DLG2: variants seen among roughly 807,000 people sequenced by gnomAD.
DLG2 encodes the protein discs large MAGUK scaffold protein 2, also known as disks large homolog 2.
A neutral mutation model predicts 132.5 loss-of-function variants in DLG2; 45 were observed. That is an observed-to-expected ratio of 0.34 (90% CI 0.27 to 0.44). DLG2 has a LOEUF of 0.44. Ranked by LOEUF, DLG2 falls within the 20% of genes least tolerant of loss-of-function variation. The probability of loss-of-function intolerance (pLI) is 1.00; values close to 1 mark genes in which losing one functional copy is unlikely to be tolerated. For missense variants in DLG2, 1,045 were observed against 1,196.9 expected, an observed-to-expected ratio of 0.87 and a Z score of 1.87; for synonymous variants, 424 against 419.6, an observed-to-expected ratio of 1.01 and a Z score of -0.13.
intron 6 of DLG2, among the ~76,000 whole-genome samples, chr11:84,944,103 T>C (rs2049869107): frequency 6.6e-6 from 1 of 152,208 alleles, no homozygotes; most frequent in South Asian, 2.1e-4. Flanking sequence ...CCAGATGTAT[T>C]GAAGCTCCTT....
intron 14 of DLG2, among the ~76,000 whole-genome samples, chr11:83,934,651 T>C (rs554085395): frequency 6.6e-6 from 1 of 152,360 alleles, no homozygotes; most frequent in South Asian, 2.1e-4. Context: ...TTACACTTTA[T>C]TGAGTTTTCT....
At chr11:83,789,609 A>T (rs1167132265) in intron 17 of DLG2, among the ~76,000 whole-genome samples, 2 of 150,822 alleles carry the variant, frequency 1.3e-5, no homozygotes, top group Non-Finnish European at 2.9e-5. Flanking sequence ...GTGCAGTGGC[A>T]TGATCTCAGC....
intron 6 of DLG2, among the ~76,000 whole-genome samples, chr11:85,037,122 A>G (rs895156885): frequency 1.3e-5 from 2 of 152,226 alleles, no homozygotes; most frequent in African/African-American, 2.4e-5. Flanking sequence ...GGTACAATCC[A>G]TCAACTCACC....
rs549989463 is a variant in DLG2, at chr11:84,378,168, T to A, written c.520-126877A>T. On this transcript the variant is annotated intron_variant, in intron 7 of 27. Transcript: ENST00000376104. ...AGAAAGTAATTAGGATTAAATGAGG[T>A]CATAAGGGTAGGGCTGTGATTTATT... Among the ~76,000 whole-genome samples, 8 of 152,058 alleles carry A rather than the reference T, an allele frequency of 5.3e-5. No homozygotes were observed. In the South Asian group the frequency reaches 6.2e-4, roughly 12 times the overall value.
chr11:84,221,361 G>A (rs2096914136), intron 8 of DLG2, among the ~76,000 whole-genome samples: 1 of 151,988 alleles, frequency 6.6e-6, no homozygotes, highest in Admixed American at 6.6e-5. Flanking sequence ...CTACTCAGGA[G>A]GCTGAGGCAG....
At chr11:84,166,227 G>A (rs1236050289) in intron 8 of DLG2, among the ~76,000 whole-genome samples, 2 of 152,152 alleles carry the variant, frequency 1.3e-5, no homozygotes, top group Non-Finnish European at 2.9e-5. Flanking sequence ...CCCAGGGCTG[G>A]GCGCAGTGGC....
chr11:83,478,832 A>T (rs1196838785), intron 22 of DLG2, among the ~76,000 whole-genome samples: 1 of 152,026 alleles, frequency 6.6e-6, no homozygotes, highest in African/African-American at 2.4e-5. Flanking sequence ...AAAATAAGTT[A>T]TATTTTTCTA....
intron 7 of DLG2, among the ~76,000 whole-genome samples, chr11:84,527,643 G>A (rs759287021): frequency 9.9e-5 from 15 of 152,116 alleles, no homozygotes; most frequent in Non-Finnish European, 2.2e-4. Flanking sequence ...ATAAAAGGAG[G>A]CTTTAATCTT....
intron 6 of DLG2, among the ~76,000 whole-genome samples, chr11:84,657,042 T>A (rs1275424858): frequency 6.6e-6 from 1 of 152,116 alleles, no homozygotes; most frequent in South Asian, 2.1e-4. Context: ...ATTTACCATA[T>A]GACAAAACTG....
In DLG2 at chr11:84,929,463, C is replaced by T. The variant is rs1026636567; in HGVS notation, c.357+182198G>A. On this transcript the variant is annotated intron_variant, in intron 6 of 27. Coordinates refer to ENST00000376104, the MANE Select transcript of DLG2 (RefSeq NM_001142699.3). ...GTATACTTCAATGGCAATACTCAGG[C>T]AAAATTCCATCAATGGCATAATTAA... Among the ~76,000 whole-genome samples the T allele has an allele frequency of 3.9e-5, 6 of 152,028 alleles. No individual in the cohort carries two copies. The East Asian group carries it at 9.6e-4, about 24-fold the overall frequency.
chr11:84,350,182 C>CA (rs1555518944), intron 7 of DLG2, among the ~76,000 whole-genome samples: 1 of 142,420 alleles, frequency 7.0e-6, no homozygotes, highest in African/African-American at 2.7e-5. Context: ...CGTCCCCCCC[C>CA]CCAAAAAAAA....
chr11:83,988,566 T>G (rs2093496200), intron 11 of DLG2, among the ~76,000 whole-genome samples: 2 of 152,310 alleles, frequency 1.3e-5, no homozygotes, highest in South Asian at 4.1e-4. Context: ...TTCCATTTGT[T>G]TGTGTGATCT....
intron 17 of DLG2, among the ~76,000 whole-genome samples, chr11:83,804,467 T>C (rs1190524249): frequency 6.6e-6 from 1 of 151,902 alleles, no homozygotes; most frequent in Non-Finnish European, 1.5e-5. Flanking sequence ...TTGAAGAACA[T>C]TATAATAAAA....
intron 14 of DLG2, among the ~76,000 whole-genome samples, chr11:83,957,012 G>A (rs1391905317): frequency 4.6e-5 from 7 of 152,062 alleles, no homozygotes; most frequent in East Asian, 3.9e-4. Context: ...TTTAAGACTC[G>A]GAAGAAAAAT....
chr11:83,797,682 C>T (rs979970240), intron 17 of DLG2, among the ~76,000 whole-genome samples: 9 of 151,916 alleles, frequency 5.9e-5, no homozygotes, highest in African/African-American at 2.2e-4. Flanking sequence ...CCATGCCCAG[C>T]TAATTTTATG....
At chr11:85,357,615 ATTATT>A (rs1412515400) in intron 3 of DLG2, among the ~76,000 whole-genome samples, 1 of 141,180 alleles carries the variant, frequency 7.1e-6, no homozygotes, top group East Asian at 2.1e-4. Flanking sequence ...GGCTAAATTT[ATTATT>A]CAGCCAAAGG....
chr11:83,865,454 A>T (rs2062146065), intron 16 of DLG2, among the ~76,000 whole-genome samples: 1 of 117,394 alleles, frequency 8.5e-6, no homozygotes, highest in African/African-American at 4.1e-5. Flanking sequence ...CATGGTGAAC[A>T]GCGAAAAAAA....
intron 18 of DLG2, among the ~76,000 whole-genome samples, chr11:83,703,484 T>C (rs572043696): frequency 4.6e-5 from 7 of 152,224 alleles, no homozygotes; most frequent in African/African-American, 1.7e-4. Context: ...ACCCTGTCTC[T>C]ACTAAAAATA....
At chr11:84,035,275 G>T (rs2095831594) in intron 11 of DLG2, among the ~76,000 whole-genome samples, 2 of 152,114 alleles carry the variant, frequency 1.3e-5, no homozygotes, top group Non-Finnish European at 2.9e-5. Context: ...TGTGAGAGCT[G>T]CTTTGATTAA....
Sources: allele counts gnomAD v4.1 joint callset (sites outside exome capture counted in the v4.1 genomes callset), GRCh38; gene constraint gnomAD v4.1.1; transcripts MANE v1.5; gene names NCBI Gene and HGNC (gene_info 2026-07-23, HGNC 2026-07-21).